DOCK2: variants seen among roughly 807,000 people sequenced by gnomAD.
DOCK2 encodes dedicator of cytokinesis 2, also known as dedicator of cytokinesis protein 2.
In DOCK2, 87 loss-of-function variants were observed where a neutral mutation model predicts 248.9. That is an observed-to-expected ratio of 0.35 (90% CI 0.29 to 0.42). The LOEUF (loss-of-function observed/expected upper bound fraction) is 0.42. Ranked by LOEUF, DOCK2 falls within the 10% of genes least tolerant of loss-of-function variation. The pLI, the probability that DOCK2 is intolerant of heterozygous loss-of-function variation, is 1.00. For missense variants in DOCK2, 1,747 were observed against 2,300.2 expected (o/e 0.76, Z 4.92); for synonymous variants, 805 against 821.6 (o/e 0.98, Z 0.35).
chr5:169,930,177 G>T (rs1775676660), intron 27 of DOCK2, among the ~76,000 whole-genome samples: 1 of 152,104 alleles, frequency 6.6e-6, no homozygotes, highest in Non-Finnish European at 1.5e-5. Flanking sequence ...TTTTAGTAGA[G>T]ATGGGGGTTT....
At chr5:169,930,938 T>G (rs1381245796) in intron 27 of DOCK2, among the ~76,000 whole-genome samples, 1 of 152,204 alleles carries the variant, frequency 6.6e-6, no homozygotes, top group African/African-American at 2.4e-5. Flanking sequence ...CCTCATCACA[T>G]GTCATGGGCC....
intron 10 of DOCK2, 90 bp from the exon 11 acceptor site, chr5:169,698,284 C>G (rs1561611054): frequency 5.1e-6 from 7 of 1,361,512 alleles, no homozygotes; most frequent in Non-Finnish European, 7.2e-6. Flanking sequence ...ATCCCAGGCT[C>G]TACCTCCTGT....
intron 22 of DOCK2, among the ~76,000 whole-genome samples, chr5:169,734,640 C>T (rs262866): frequency 0.18 from 27,130 of 152,134 alleles, 3,352 homozygotes; most frequent in African/African-American, 0.36. Context: ...CAGGTCAGGA[C>T]TGACTTGTGG....
chr5:169,637,774 AC>A (rs1385213132), intron 1 of DOCK2, among the ~76,000 whole-genome samples: 2 of 151,098 alleles, frequency 1.3e-5, no homozygotes, highest in Non-Finnish European at 3.0e-5. Flanking sequence ...GCATACTTCC[AC>A]CCCCTCCAAA....
chr5:169,697,706 C>T (rs1760714972), intron 10 of DOCK2, among the ~76,000 whole-genome samples: 1 of 152,258 alleles, frequency 6.6e-6, no homozygotes, highest in South Asian at 2.1e-4. Flanking sequence ...GGCCCCTGCC[C>T]AGTGCCTGGA....
At chr5:169,753,951 A>C (rs1764050782) in intron 23 of DOCK2, among the ~76,000 whole-genome samples, 1 of 152,170 alleles carries the variant, frequency 6.6e-6, no homozygotes, top group East Asian at 1.9e-4. Flanking sequence ...AAGGATTAAA[A>C]ATTGAGGGGA....
intron 2 of DOCK2, 28 bp downstream of exon 2, chr5:169,654,514 C>A: frequency 6.2e-7 from 1 of 1,612,510 alleles, no homozygotes; most frequent in Non-Finnish European, 8.5e-7. Flanking sequence ...GCCCCAAGTG[C>A]TGGACCCTTG....
At chr5:169,867,356 TTG>T (rs1771633042) in intron 27 of DOCK2, among the ~76,000 whole-genome samples, 1 of 152,150 alleles carries the variant, frequency 6.6e-6, no homozygotes, top group South Asian at 2.1e-4. Flanking sequence ...TAACAAAAGA[TTG>T]TAACAAGGGC....
chr5:169,716,548 A>C (rs1050237141), intron 20 of DOCK2, among the ~76,000 whole-genome samples: 1 of 152,238 alleles, frequency 6.6e-6, no homozygotes, highest in Admixed American at 6.5e-5. Flanking sequence ...TCAGATTGAC[A>C]CTGGCTGAAG....
chr5:170,056,019 G>A (rs1757115396), intron 42 of DOCK2, among the ~76,000 whole-genome samples: 1 of 152,202 alleles, frequency 6.6e-6, no homozygotes, highest in Non-Finnish European at 1.5e-5. Context: ...TGGAGCACTT[G>A]AGTGTCTTAG....
intron 26 of DOCK2, among the ~76,000 whole-genome samples, chr5:169,809,768 T>C (rs747027502): frequency 5.3e-5 from 8 of 152,212 alleles, no homozygotes; most frequent in Non-Finnish European, 8.8e-5. Flanking sequence ...ATCCTTTCAG[T>C]TCCTCACTTG....
At chr5:170,050,476 T>C in intron 41 of DOCK2, 79 bp downstream of exon 41, 1 of 1,511,546 alleles carries the variant, frequency 6.6e-7, no homozygotes, top group South Asian at 1.3e-5. Context: ...AGACCCACCT[T>C]AGAGCTCAGG....
intron 47 of DOCK2, among the ~76,000 whole-genome samples, chr5:170,076,477 A>G (rs1003151401): frequency 6.6e-6 from 1 of 152,248 alleles, no homozygotes; most frequent in Non-Finnish European, 1.5e-5. Flanking sequence ...TCTGAGGTTC[A>G]GAAGGTCAGG....
chr5:169,760,695 C>T (rs892128215), intron 24 of DOCK2, among the ~76,000 whole-genome samples: 1 of 152,148 alleles, frequency 6.6e-6, no homozygotes. Flanking sequence ...TTATTTCCTC[C>T]ACTGCATACA....
chr5:170,042,076 C>G lies in DOCK2; in HGVS notation c.3820C>G (p.Arg1274Gly). 6.2e-7 allele frequency: 1 copy of G among 1,613,530 alleles called. No homozygotes were observed. The highest frequency in any genetic ancestry group is 8.5e-7 in the Non-Finnish European group (1 of 1,179,708). Residue 1274 changes from arginine to glycine, a missense_variant, in exon 38 of 52, where the codon CGG becomes GGG. Around this residue, in one of 4 missense-constraint regions of DOCK2, gnomAD observed 858 missense variants for 1,183.5 expected, o/e 0.72. Coordinates refer to ENST00000520908, the MANE Select transcript of DOCK2 (RefSeq NM_004946.3). ...AGGCCAGCAGCACCCCCAGACACACCGGCAGCTGAAGGAGACGCTCTACGA... is the reference window on the plus strand; with the variant it reads ...AGGCCAGCAGCACCCCCAGACACACGGGCAGCTGAAGGAGACGCTCTACGA... ...QTGQQHPQTH[R>G]QLKETLYETI...
At chr5:169,765,598 T>A (rs1764735475) in intron 25 of DOCK2, among the ~76,000 whole-genome samples, 1 of 152,232 alleles carries the variant, frequency 6.6e-6, no homozygotes. Context: ...CTGATGCTAA[T>A]CAGAGGCACC....
At chr5:169,786,366 G>A (rs1311300718) in intron 25 of DOCK2, among the ~76,000 whole-genome samples, 1 of 152,158 alleles carries the variant, frequency 6.6e-6, no homozygotes, top group Admixed American at 6.5e-5. Flanking sequence ...CTTAATCACT[G>A]CCTGTCTGCC....
At chr5:170,000,890 T>A (rs1368564418) in intron 30 of DOCK2, among the ~76,000 whole-genome samples, 1 of 152,130 alleles carries the variant, frequency 6.6e-6, no homozygotes, top group South Asian at 2.1e-4. Flanking sequence ...GCCACCTTGG[T>A]CTTTATAATG....
chr5:169,743,909 T>G (rs1763464387), intron 22 of DOCK2, among the ~76,000 whole-genome samples: 1 of 148,652 alleles, frequency 6.7e-6, no homozygotes, highest in Non-Finnish European at 1.5e-5. Context: ...ATATTTAAAT[T>G]ATAAATTTAA....
Sources: allele counts gnomAD v4.1 joint callset (sites outside exome capture counted in the v4.1 genomes callset), GRCh38; gene constraint gnomAD v4.1.1; regional missense constraint gnomAD v4.1.1; transcripts MANE v1.5; gene names NCBI Gene and HGNC (gene_info 2026-07-23, HGNC 2026-07-21).